WNT5A: variants seen among roughly 807,000 people sequenced by gnomAD.
The protein encoded by WNT5A is protein Wnt-5a.
WNT5A carries 9 observed loss-of-function variants against 42.1 expected under a neutral mutation model. That is an observed-to-expected ratio of 0.21 (90% CI 0.13 to 0.37). The LOEUF is 0.37. Ranked by LOEUF, WNT5A falls within the 10% of genes least tolerant of loss-of-function variation. The pLI, the probability that WNT5A is intolerant of heterozygous loss-of-function variation, is 1.00. For missense variants in WNT5A, 426 were observed against 534.0 expected, an observed-to-expected ratio of 0.80 and a Z score of 1.99; for synonymous variants, 210 against 210.0, an observed-to-expected ratio of 1.00 and a Z score of 0.00.
At chr3:55,504,039 A>G in the WNT5A span, among the ~76,000 whole-genome samples, 1 of 152,308 alleles carries the variant, frequency 6.6e-6, no homozygotes, top group African/African-American at 2.4e-5. Flanking sequence ...TGGGAGGCCA[A>G]GACAGGTGGA....
Position 55,466,716 on chromosome 3 carries a change from C to T in WNT5A, c.*3376G>A, listed in dbSNP as rs543637143. On this transcript the variant is annotated 3_prime_UTR_variant, in exon 5 of 5. Transcript: ENST00000264634. ...CGCTCCAGGATGAGAAGAAAAAATA[C>T]GCTGACACTGCTAAATCGGGTATAT... 4.6e-5 allele frequency: 7 copies of T among 152,640 alleles called. No individual in the cohort carries two copies. The South Asian group carries it at 8.3e-4, about 18-fold the overall frequency. 9.5% of individuals were successfully genotyped at this position (152,640 alleles called of 1,614,324 possible).
chr3:55,471,290 G>T (rs2051246191), intron 4 of WNT5A, among the ~76,000 whole-genome samples: 1 of 152,076 alleles, frequency 6.6e-6, no homozygotes, highest in Non-Finnish European at 1.5e-5. Context: ...CTAAAGTGTG[G>T]GGGGACTGCG....
In WNT5A at chr3:55,479,406, C is replaced by T. The variant is rs527941562; in HGVS notation, c.299G>A (p.Gly100Asp). ...MQYIGEGAKT[G>D]IKECQYQFRH... The stretch of plus-strand genomic sequence containing the variant: ...GAATTGATACTGGCATTCTTTGATG[C>T]CTGTCTTCGCGCCTTCTCCGATGTA... Residue 100 changes from glycine (G) to aspartate (D), a missense_variant, in exon 3 of 5, where the codon GGC (glycine) becomes GAC (aspartate). By Grantham distance (94) the Gly-to-Asp change is moderately conservative. Around this residue, in one of 3 missense-constraint regions of WNT5A, gnomAD observed 358 missense variants for 468.1 expected, o/e 0.76. Transcript: ENST00000264634. 1 of 1,613,984 alleles carries T rather than the reference C, an allele frequency of 6.2e-7. No individual in the cohort carries two copies. The highest frequency in any genetic ancestry group is 1.3e-5 in the African/African-American group (1 of 75,046).
intron 1 of WNT5A, among the ~76,000 whole-genome samples, chr3:55,484,633 T>C (rs1452776499): frequency 6.6e-6 from 1 of 151,872 alleles, no homozygotes; most frequent in Admixed American, 6.6e-5. Context: ...GGTTCTCCTC[T>C]GTTTCCTGCC....
rs748715879 is a variant in WNT5A at position 55,479,491 on chromosome 3, G to C, written c.214C>G (p.Leu72Val). 6.2e-7 allele frequency: 1 copy of C among 1,614,006 alleles called. No homozygotes were observed. The highest frequency in any genetic ancestry group is 1.1e-5 in the South Asian group (1 of 91,082). Residue 72 changes from leucine to valine, a missense_variant, in exon 3 of 5, where the codon CTG (leucine) becomes GTG (valine). Leu to Val is a conservative substitution (Grantham distance 32). This residue lies in a region of WNT5A where 358 missense variants were observed against 468.1 expected (regional missense o/e 0.76). Transcript: ENST00000264634. ...IIGAQPLCSQ[L>V]AGLSQGQKKL... ...TTCTGTCCTTGAGAAAGTCCTGCCAGTTGGCTGCAGAGAGGCTGTGCTCCT... is the reference window on the plus strand; with the variant it reads ...TTCTGTCCTTGAGAAAGTCCTGCCACTTGGCTGCAGAGAGGCTGTGCTCCT...
rs76397716 is a variant in WNT5A, at chr3:55,483,748, G to T, written c.7-2830C>A. Among the ~76,000 whole-genome samples the T allele has an allele frequency of 6.6e-6, 1 of 152,122 alleles. No individual in the cohort carries two copies. The highest frequency in any genetic ancestry group is 1.5e-5 in the Non-Finnish European group (1 of 68,020). On this transcript the variant is annotated intron_variant, in intron 1 of 4. Coordinates refer to ENST00000264634, the MANE Select transcript of WNT5A (RefSeq NM_003392.7). The surrounding 1 kb of genome is among the most constrained non-coding windows in gnomAD (Gnocchi z 4.2). The stretch of plus-strand genomic sequence containing the variant: ...CAATCCAGAGCAGCTCAACGACGTG[G>T]CTCCCTTTCTATGTATCCCTCAAAG...
At chr3:55,500,129 T>G in the WNT5A span, among the ~76,000 whole-genome samples, 1 of 152,210 alleles carries the variant, frequency 6.6e-6, no homozygotes, top group African/African-American at 2.4e-5. Context: ...ATTTCTGCCC[T>G]TCTGGAAATG....
chr3:55,486,457 G>A (rs1229562548), intron 1 of WNT5A, among the ~76,000 whole-genome samples: 3 of 152,164 alleles, frequency 2.0e-5, no homozygotes, highest in Non-Finnish European at 2.9e-5. Flanking sequence ...CCGTCGGTGC[G>A]GGGGGGTGTC....
chr3:55,487,368 C>A, upstream of WNT5A: 1 of 284,420 alleles, frequency 3.5e-6, no homozygotes, highest in Non-Finnish European at 6.5e-6. Flanking sequence ...GGCTTTCCAA[C>A]CCCAAATGTG....
In WNT5A at chr3:55,467,895, A is replaced by G. The variant is rs2051172267; in HGVS notation, c.*2197T>C. 1 of 152,210 alleles carries G rather than the reference A, an allele frequency of 6.6e-6. No homozygotes were observed. The highest frequency in any genetic ancestry group is 2.1e-4 in the South Asian group (1 of 4,830). 9.4% of individuals were successfully genotyped at this position (152,210 alleles called of 1,614,324 possible). ...GTTTTTGTATAATAAAAACCAAAAA[A>G]GTGACATTTTAAACTAATTAGTGCT... On this transcript the variant is annotated 3_prime_UTR_variant, in exon 5 of 5. Transcript: ENST00000264634.
rs1047342630 is a variant in WNT5A at position 55,474,595 on chromosome 3, G to A, written c.426C>T (p.Ser142=). The change falls in exon 4 of 5, where the codon AGC becomes AGT. Residue 142 remains serine, a synonymous_variant. Transcript: ENST00000264634. ...SRETAFTYAV[S]AAGVVNAMSR... Reference sequence around the variant, plus strand: ...TCATGGCGTTCACCACCCCTGCTGCGCTCACCGCGTATGTGAAGGCCGTCT... The same window carrying A: ...TCATGGCGTTCACCACCCCTGCTGCACTCACCGCGTATGTGAAGGCCGTCT... The A allele has an allele frequency of 1.4e-6, 2 of 1,470,954 alleles. No individual in the cohort carries two copies. The highest frequency in any genetic ancestry group is 1.4e-5 in the African/African-American group (1 of 69,490). The allele number at this position is 1,470,954 out of a possible 1,614,324, so 91.1% of individuals were successfully genotyped here.
chr3:55,484,507 A>G (rs1203660176), intron 1 of WNT5A, among the ~76,000 whole-genome samples: 2 of 152,180 alleles, frequency 1.3e-5, no homozygotes, highest in African/African-American at 4.8e-5. Flanking sequence ...GAGAAGGCGG[A>G]GGTTACACCT....
In WNT5A at chr3:55,467,238, A is replaced by G. The variant is rs374045781; in HGVS notation, c.*2854T>C. The G allele has an allele frequency of 7.2e-5, 11 of 152,706 alleles. No homozygotes were observed. The highest frequency in any genetic ancestry group is 2.6e-4 in the African/African-American group (11 of 41,578). 9.5% of individuals were successfully genotyped at this position (152,706 alleles called of 1,614,324 possible). A position where few individuals can be genotyped will look rare whatever the true frequency, so the allele number is the denominator to read the frequency against. On this transcript the variant is annotated 3_prime_UTR_variant, in exon 5 of 5. Coordinates refer to ENST00000264634, the MANE Select transcript of WNT5A (RefSeq NM_003392.7). ...TAAAAATCTGGTCACGGATAAAAGCATGTGCCTTTTCATTCTTCTCTGGGA... is the reference window on the plus strand; with the variant it reads ...TAAAAATCTGGTCACGGATAAAAGCGTGTGCCTTTTCATTCTTCTCTGGGA...
chr3:55,469,088 C>T lies in WNT5A; in HGVS notation c.*1004G>A, dbSNP rs1468211985. On this transcript the variant is annotated 3_prime_UTR_variant, in exon 5 of 5. Coordinates refer to ENST00000264634, the MANE Select transcript of WNT5A (RefSeq NM_003392.7). ...AGTGTGAAGAGGAAGGTGGATTTCACTGTTTTTCCTCAAATAGGTTGTCTG... is the reference window on the plus strand; with the variant it reads ...AGTGTGAAGAGGAAGGTGGATTTCATTGTTTTTCCTCAAATAGGTTGTCTG... 2 of 152,186 alleles carry T rather than the reference C, an allele frequency of 1.3e-5. No homozygotes were observed. Among genetic ancestry groups the T allele is most frequent in the Non-Finnish European group, 2.9e-5 (2 of 68,044 alleles). The allele number at this position is 152,186 out of a possible 1,614,324, so 9.4% of individuals were successfully genotyped here.
At chr3:55,504,853 A>C in the WNT5A span, among the ~76,000 whole-genome samples, 227 of 152,328 alleles carry the variant, frequency 1.5e-3, 1 homozygote, top group African/African-American at 5.0e-3. Flanking sequence ...CACAAACTGA[A>C]CATGATCATG....
chr3:55,493,088 G>A (rs1452036936), upstream of WNT5A, among the ~76,000 whole-genome samples: 1 of 152,156 alleles, frequency 6.6e-6, no homozygotes, highest in Non-Finnish European at 1.5e-5. Context: ...TCCATACTCA[G>A]CAATTTACCT....
intron 1 of WNT5A, among the ~76,000 whole-genome samples, chr3:55,482,397 G>A (rs1205013869): frequency 1.3e-5 from 2 of 152,220 alleles, no homozygotes; most frequent in Admixed American, 6.5e-5. Flanking sequence ...CTGCCGCACT[G>A]CATCGCCCAT....
At chr3:55,486,240 C>A (rs574493913) in intron 1 of WNT5A, among the ~76,000 whole-genome samples, 1 of 152,148 alleles carries the variant, frequency 6.6e-6, no homozygotes, top group Non-Finnish European at 1.5e-5. Flanking sequence ...TCCCGGAGTA[C>A]GGGATTACAG....
chr3:55,493,024 C>A (rs1037344482), upstream of WNT5A, among the ~76,000 whole-genome samples: 3 of 152,230 alleles, frequency 2.0e-5, no homozygotes, highest in Non-Finnish European at 2.9e-5. Flanking sequence ...ATTTCATTAA[C>A]TGGCTGGCTT....
Sources: gnomAD v4.1 joint callset for allele counts (sites outside exome capture counted in the v4.1 genomes callset) on GRCh38, gnomAD v4.1.1 for gene constraint, gnomAD v4.1.1 regional missense constraint, Gnocchi (gnomAD v3.1) non-coding constraint, MANE v1.5 for transcripts, NCBI Gene and HGNC (gene_info 2026-07-23, HGNC 2026-07-21) for gene names.